The following ZNF517 variants were observed in gnomAD, a reference collection of about 807,000 sequenced individuals.
ZNF517 encodes zinc finger protein 517.
In ZNF517, 12 loss-of-function variants were observed where a neutral mutation model predicts 12.1. The ratio of observed to expected loss-of-function variants is 0.99; its 90% CI spans 0.63 to 1.61. The LOEUF is 1.61. ZNF517 is among the 40% of genes most tolerant of loss of function. ZNF517 has a pLI of 0.00. For missense variants in ZNF517, 781 were observed against 693.2 expected, an observed-to-expected ratio of 1.13 and a Z score of -1.42; for synonymous variants, 388 against 310.2, an observed-to-expected ratio of 1.25 and a Z score of -2.63.
downstream of ZNF517, among the ~76,000 whole-genome samples, chr8:144,812,591 A>ACTT (rs1193411375): frequency 1.3e-5 from 2 of 152,244 alleles, no homozygotes; most frequent in East Asian, 3.8e-4. Context: ...ATTTCTGGTC[A>ACTT]CTTCAGTCTG....
downstream of ZNF517, among the ~76,000 whole-genome samples, chr8:144,813,164 A>G (rs1432993586): frequency 6.6e-6 from 1 of 151,962 alleles, no homozygotes; most frequent in East Asian, 1.9e-4. Context: ...AAAATACAAA[A>G]AATTAGCCGG....
downstream of ZNF517, among the ~76,000 whole-genome samples, chr8:144,812,025 C>T (rs1195654442): frequency 3.0e-5 from 4 of 135,462 alleles, no homozygotes; most frequent in African/African-American, 1.2e-4. Flanking sequence ...GAGACACCGA[C>T]AGTAAAGCTC....
Position 144,808,053 on chromosome 8 carries a change from C to T in ZNF517, c.1137C>T (p.His379=), listed in dbSNP as rs549522903. 6 of 1,606,086 alleles carry T rather than the reference C, an allele frequency of 3.7e-6. No homozygotes were observed. Among genetic ancestry groups the T allele is most frequent in the South Asian group, 1.1e-5 (1 of 90,112 alleles). ...CGGTGTGCGGGAGGCCGTTCCGACA[C>T]AACTCCCTGCTGCTGCTGCACCTGC... ...ECPVCGRPFR[H]NSLLLLHLRL... is the part of the protein sequence containing the mutation. Residue 379 remains histidine, a synonymous_variant, in exon 5 of 5, where the codon CAC becomes CAT. Coordinates refer to ENST00000359971, the MANE Select transcript of ZNF517 (RefSeq NM_213605.3).
chr8:144,805,631 TA>T (rs1563808761), intron 4 of ZNF517, among the ~76,000 whole-genome samples: 1 of 109,052 alleles, frequency 9.2e-6, no homozygotes, highest in Non-Finnish European at 1.9e-5. Context: ...GCCTGGCCAT[TA>T]TTTTTTTTTT....
At chr8:144,803,412 T>G in intron 2 of ZNF517, 1 of 558,588 alleles carries the variant, frequency 1.8e-6, no homozygotes, top group Non-Finnish European at 3.1e-6. Context: ...TCCTGGTAAA[T>G]CTCTCTCCCT....
chr8:144,811,698 G>C (rs1827561460), downstream of ZNF517, among the ~76,000 whole-genome samples: 1 of 135,538 alleles, frequency 7.4e-6, no homozygotes, highest in African/African-American at 3.0e-5. Context: ...GCCAGGTGCA[G>C]ACTGCAGCGT....
At chr8:144,812,452 G>A (rs1487961573), downstream of ZNF517, among the ~76,000 whole-genome samples, 2 of 151,436 alleles carry the variant, frequency 1.3e-5, no homozygotes, top group Non-Finnish European at 2.9e-5. Context: ...GGACAGTAAA[G>A]CTCAGCCAGG....
intron 4 of ZNF517, 101 bp from the exon 5 acceptor site, chr8:144,807,090 G>T (rs1236896262): frequency 1.4e-6 from 2 of 1,433,940 alleles, no homozygotes; most frequent in Admixed American, 2.6e-5. Context: ...GCTGGGTGTT[G>T]GGGGAAGACT....
intron 2 of ZNF517, 94 bp downstream of exon 2, chr8:144,803,041 A>C (rs1586761114): frequency 6.7e-7 from 1 of 1,496,810 alleles, no homozygotes; most frequent in Non-Finnish European, 9.1e-7. Context: ...CTTGCCTCAC[A>C]CCCACCCACA....
intron 4 of ZNF517, among the ~76,000 whole-genome samples, chr8:144,804,822 A>G (rs1366735643): frequency 6.6e-6 from 1 of 152,240 alleles, no homozygotes; most frequent in Non-Finnish European, 1.5e-5. Flanking sequence ...GAGACAGGAC[A>G]GCTTACGCCA....
chr8:144,800,072 T>G (rs1199406633), intron 1 of ZNF517, among the ~76,000 whole-genome samples: 1 of 152,122 alleles, frequency 6.6e-6, no homozygotes, highest in Non-Finnish European at 1.5e-5. Flanking sequence ...TGCGGCGTAG[T>G]GAGCCGGGTG....
chr8:144,802,745 C>A, intron 1 of ZNF517, 125 bp from the exon 2 acceptor site: 2 of 1,417,686 alleles, frequency 1.4e-6, no homozygotes, highest in Non-Finnish European at 1.8e-6. Flanking sequence ...GTGAAGGAGG[C>A]GGCTGATGTG....
In ZNF517 at chr8:144,808,586, T is replaced by G; in HGVS notation, c.*191T>G. 1 of 779,526 alleles carries G rather than the reference T, an allele frequency of 1.3e-6. No homozygotes were observed. The highest frequency in any genetic ancestry group is 1.8e-6 in the Non-Finnish European group (1 of 558,572). 48.3% of individuals were successfully genotyped at this position (779,526 alleles called of 1,614,324 possible). A position where few individuals can be genotyped will look rare whatever the true frequency, so the allele number is the denominator to read the frequency against. ...GGAAAGGGCACCAGGCAGCCCGTGGTGTGGCCTCAGGAACCACTATCAGCC... is the reference window on the plus strand; with the variant it reads ...GGAAAGGGCACCAGGCAGCCCGTGGGGTGGCCTCAGGAACCACTATCAGCC... On this transcript the variant is annotated 3_prime_UTR_variant, in exon 5 of 5. Coordinates refer to ENST00000359971, the MANE Select transcript of ZNF517 (RefSeq NM_213605.3).
rs200227427 is a variant in ZNF517, at chr8:144,804,205, G to A, written c.241G>A (p.Glu81Lys). Residue 81 changes from glutamate (E) to lysine (K), a missense_variant, in exon 4 of 5, where the codon GAA (glutamate) becomes AAA (lysine). Transcript: ENST00000359971. The stretch of plus-strand genomic sequence containing the variant: ...GGGGGCCTTGATTCTGCAGGTGGCT[G>A]AACAGAGCGTGGCCAAAGCCAGCCT... ...EPGALILQVA[E>K]QSVAKASLCT... 4.1e-5 allele frequency: 66 copies of A among 1,614,038 alleles called. 1 individual carries two copies. The East Asian group carries it at 1.0e-3, about 26-fold the overall frequency.
chr8:144,802,721 C>T (rs1474715503), intron 1 of ZNF517, 149 bp from the exon 2 acceptor site: 3 of 1,339,566 alleles, frequency 2.2e-6, no homozygotes, highest in Admixed American at 3.2e-5. Context: ...AGCTTGGATA[C>T]ACCTCCTTGG....
At chr8:144,806,602 A>T (rs1435833625) in intron 4 of ZNF517, among the ~76,000 whole-genome samples, 1 of 151,946 alleles carries the variant, frequency 6.6e-6, no homozygotes, top group Non-Finnish European at 1.5e-5. Flanking sequence ...CTCCTGCCTC[A>T]GCCTCCTGAG....
chr8:144,807,120 T>A (rs895640875), intron 4 of ZNF517, 71 bp from the exon 5 acceptor site: 1 of 1,495,692 alleles, frequency 6.7e-7, no homozygotes, highest in African/African-American at 1.4e-5. Flanking sequence ...AAAGGTTATG[T>A]CTTCAAACAA....
At chr8:144,805,893 A>G (rs1827203584) in intron 4 of ZNF517, among the ~76,000 whole-genome samples, 2 of 152,162 alleles carry the variant, frequency 1.3e-5, no homozygotes, top group South Asian at 4.1e-4. Context: ...TGCTGGGATT[A>G]CAGGCGTGAG....
At position 144,807,622 on chromosome 8, in the gene ZNF517, G is replaced by A. The variant is rs866431601; in HGVS notation, c.706G>A (p.Gly236Ser). 6 of 1,609,318 alleles carry A rather than the reference G, an allele frequency of 3.7e-6. No individual in the cohort carries two copies. Among genetic ancestry groups the A allele is most frequent in the African/African-American group, 2.7e-5 (2 of 74,778 alleles). Residue 236 changes from glycine (G) to serine (S), a missense_variant, in exon 5 of 5, where the codon GGC becomes AGC. Coordinates refer to ENST00000359971, the MANE Select transcript of ZNF517 (RefSeq NM_213605.3). ...CACTGAGGAGAAGCCGTTCCAGTGC[G>A]GCGAGTGCGGGAAGGCCTTCCGGCA... ...IHTEEKPFQCGECGKAFRQST... is the reference protein window; with the variant it reads ...IHTEEKPFQCSECGKAFRQST...
Sources: allele counts gnomAD v4.1 joint callset (sites outside exome capture counted in the v4.1 genomes callset), GRCh38; gene constraint gnomAD v4.1.1; transcripts MANE v1.5; gene names NCBI Gene and HGNC (gene_info 2026-07-23, HGNC 2026-07-21).